The following NALCN variants were observed in gnomAD, a reference collection of about 807,000 sequenced individuals.
The protein encoded by NALCN is sodium leak channel, non-selective.
A neutral mutation model predicts 225.3 loss-of-function variants in NALCN; 111 were observed. That is an observed-to-expected ratio of 0.49 (90% CI 0.42 to 0.58). The LOEUF (loss-of-function observed/expected upper bound fraction) is 0.58. Among genes scored for constraint, NALCN ranks in the 20% least tolerant of loss-of-function variants. The pLI is 0.00. For synonymous variants in NALCN, 764 were observed against 769.0 expected, an observed-to-expected ratio of 0.99 and a Z score of 0.11; for missense variants, 1,378 against 2,202.4, an observed-to-expected ratio of 0.63 and a Z score of 7.49.
chr13:101,108,624 T>G (rs1212418487), intron 20 of NALCN, among the ~76,000 whole-genome samples: 1 of 152,100 alleles, frequency 6.6e-6, no homozygotes, highest in African/African-American at 2.4e-5. Context: ...AATGTGTTCT[T>G]CCAGAGCTAG....
At chr13:101,290,895 C>T (rs1443919188) in intron 9 of NALCN, among the ~76,000 whole-genome samples, 1 of 152,062 alleles carries the variant, frequency 6.6e-6, no homozygotes. Flanking sequence ...ATTCCTGATT[C>T]TGGAATTTAT....
At chr13:101,071,878 T>C (rs2032914983) in intron 37 of NALCN, among the ~76,000 whole-genome samples, 1 of 152,230 alleles carries the variant, frequency 6.6e-6, no homozygotes, top group South Asian at 2.1e-4. Context: ...GATGTGTGAA[T>C]CTTCTATTCA....
At chr13:101,254,630 G>A (rs1360695266) in intron 11 of NALCN, among the ~76,000 whole-genome samples, 1 of 72,718 alleles carries the variant, frequency 1.4e-5, no homozygotes, top group South Asian at 5.2e-4. Flanking sequence ...GGTGGCTCAC[G>A]CCTGTAATCC....
At position 101,336,649 on chromosome 13, in the gene NALCN, C is replaced by A. The variant is rs1028609660; in HGVS notation, c.799+8617G>T. Among the ~76,000 whole-genome samples, 13 of 152,120 alleles carry A rather than the reference C, an allele frequency of 8.5e-5. No homozygotes were observed. In the East Asian group the frequency reaches 1.7e-3, roughly 20 times the overall value. On this transcript the variant is annotated intron_variant, in intron 7 of 43. Transcript: ENST00000251127. Reference sequence around the variant, plus strand: ...TTTAAGGAGGATATATATAGAAAAGCTTTATAATTTTTTCGTAAAGAAAAC... The same window carrying A: ...TTTAAGGAGGATATATATAGAAAAGATTTATAATTTTTTCGTAAAGAAAAC...
chr13:101,258,372 A>G, intron 11 of NALCN, 71 bp downstream of exon 11: 4 of 1,586,830 alleles, frequency 2.5e-6, no homozygotes, highest in Non-Finnish European at 3.4e-6. Context: ...TCACTTTTGC[A>G]TCTCTAAGAG....
intron 7 of NALCN, among the ~76,000 whole-genome samples, chr13:101,321,654 A>C (rs1023803143): frequency 6.6e-6 from 1 of 152,178 alleles, no homozygotes; most frequent in Admixed American, 6.5e-5. Flanking sequence ...AAAGGCATCA[A>C]TCAATTGTAG....
chr13:101,151,086 C>T (rs1056902221), intron 15 of NALCN, among the ~76,000 whole-genome samples: 12 of 152,154 alleles, frequency 7.9e-5, no homozygotes, highest in Non-Finnish European at 1.5e-4. Flanking sequence ...AAACTTCAAA[C>T]CTTGAGCTTT....
chr13:101,334,015 T>C (rs1358836820), intron 7 of NALCN, among the ~76,000 whole-genome samples: 5 of 152,056 alleles, frequency 3.3e-5, no homozygotes, highest in Non-Finnish European at 7.4e-5. Context: ...CTATCAAATA[T>C]AAAATTCTCA....
At chr13:101,317,520 C>T (rs1435810611) in intron 7 of NALCN, among the ~76,000 whole-genome samples, 2 of 152,174 alleles carry the variant, frequency 1.3e-5, no homozygotes, top group Non-Finnish European at 2.9e-5. Context: ...ATAGGGGATC[C>T]CTGATTAATT....
chr13:101,247,162 C>G, intron 11 of NALCN, among the ~76,000 whole-genome samples: 1 of 152,160 alleles, frequency 6.6e-6, no homozygotes, highest in East Asian at 1.9e-4. Context: ...AGTGAAAAGA[C>G]AGGGACTAGA....
chr13:101,263,403 T>A (rs1416484200), intron 10 of NALCN, among the ~76,000 whole-genome samples: 1 of 152,240 alleles, frequency 6.6e-6, no homozygotes, highest in Non-Finnish European at 1.5e-5. Flanking sequence ...CCATTACTAT[T>A]ATTCCTTTTC....
chr13:101,236,950 T>A (rs12584850), intron 12 of NALCN, among the ~76,000 whole-genome samples: 13 of 148,262 alleles, frequency 8.8e-5, no homozygotes, highest in East Asian at 2.0e-4. Context: ...AATAAAATAA[T>A]ATAAAATAAA....
intron 17 of NALCN, among the ~76,000 whole-genome samples, chr13:101,138,103 G>C (rs923593575): frequency 1.3e-5 from 2 of 152,098 alleles, no homozygotes; most frequent in Non-Finnish European, 2.9e-5. Context: ...GGGAACTTAG[G>C]GGGTTCTGTC....
chr13:101,297,124 T>A (rs1361530853), intron 7 of NALCN, among the ~76,000 whole-genome samples: 1 of 152,218 alleles, frequency 6.6e-6, no homozygotes, highest in East Asian at 1.9e-4. Flanking sequence ...TTGTTTCTTC[T>A]AGTCTTAGGT....
intron 15 of NALCN, among the ~76,000 whole-genome samples, chr13:101,154,136 T>C (rs1228964636): frequency 1.3e-5 from 2 of 152,190 alleles, no homozygotes; most frequent in East Asian, 3.8e-4. Context: ...TATTTAACCC[T>C]AAAAATTAGC....
intron 3 of NALCN, among the ~76,000 whole-genome samples, chr13:101,383,168 G>C (rs1268403027): frequency 6.6e-6 from 1 of 152,122 alleles, no homozygotes; most frequent in Admixed American, 6.6e-5. Context: ...TTTCCTTCCA[G>C]AGTGATCTGA....
intron 7 of NALCN, among the ~76,000 whole-genome samples, chr13:101,306,930 T>C (rs530418080): frequency 6.6e-6 from 1 of 152,236 alleles, no homozygotes; most frequent in South Asian, 2.1e-4. Flanking sequence ...GAACCCAGGC[T>C]CCTTCCTGCG....
chr13:101,385,271 T>G (rs1293001088), intron 3 of NALCN, among the ~76,000 whole-genome samples: 1 of 152,144 alleles, frequency 6.6e-6, no homozygotes, highest in East Asian at 1.9e-4. Context: ...TCTATCTTAC[T>G]TCCATCACCC....
At chr13:101,130,138 T>C (rs180759695) in intron 17 of NALCN, among the ~76,000 whole-genome samples, 3 of 152,198 alleles carry the variant, frequency 2.0e-5, no homozygotes, top group Non-Finnish European at 4.4e-5. Context: ...CTTTTCTATA[T>C]GATATCTATA....
Sources: gnomAD v4.1 joint callset for allele counts (sites outside exome capture counted in the v4.1 genomes callset) on GRCh38, gnomAD v4.1.1 for gene constraint, MANE v1.5 for transcripts, NCBI Gene and HGNC (gene_info 2026-07-23, HGNC 2026-07-21) for gene names.